Variants in SLC28A1 observed in about 807,000 individuals in gnomAD.
SLC28A1 encodes the protein solute carrier family 28 member 1.
In SLC28A1, 64 loss-of-function variants were observed where a neutral mutation model predicts 74.8. The ratio of observed to expected loss-of-function variants is 0.86; its 90% CI spans 0.70 to 1.05. SLC28A1 has a LOEUF of 1.05. Ranked by LOEUF, SLC28A1 falls within the 50% of genes least tolerant of loss-of-function variation. The pLI is 0.00. For synonymous variants in SLC28A1, 359 were observed against 335.0 expected (o/e 1.07, Z -0.78); for missense variants, 828 against 822.8 (o/e 1.01, Z -0.08).
In SLC28A1 at chr15:84,935,187, G is replaced by C; in HGVS notation, c.1376G>C (p.Ser459Thr). 6.2e-7 allele frequency: 1 copy of C among 1,613,962 alleles called. No individual in the cohort carries two copies. The highest frequency in any genetic ancestry group is 8.5e-7 in the Non-Finnish European group (1 of 1,179,866). ...LGDMVDIQGL[S>T]FQLICSYILR... ...GACATGGTGGACATCCAAGGGCTCA[G>C]CTTCCAGGTGCGTTTCTGGCCACCA... The change falls in exon 14 of 19, where the codon AGC becomes ACC. Residue 459 changes from serine (S) to threonine (T), a missense_variant. By Grantham distance (58) the Ser-to-Thr change is moderately conservative. Transcript: ENST00000394573.
At chr15:84,967,037 T>C in the SLC28A1 span, among the ~76,000 whole-genome samples, 1 of 152,182 alleles carries the variant, frequency 6.6e-6, no homozygotes, top group African/African-American at 2.4e-5. Context: ...TGCCTCAGCC[T>C]CCTGAGTAGC....
chr15:84,949,057 C>A (rs4247411), downstream of SLC28A1, among the ~76,000 whole-genome samples: 1 of 151,962 alleles, frequency 6.6e-6, no homozygotes, highest in African/African-American at 2.4e-5. Context: ...ATGGTTTAAT[C>A]CCTTTTCCAC....
chr15:84,908,919 G>C, intron 9 of SLC28A1, 124 bp downstream of exon 9: 1 of 783,926 alleles, frequency 1.3e-6, no homozygotes, highest in Non-Finnish European at 2.2e-6. Context: ...AGAGGTCGCC[G>C]TACTGGGAAG....
intron 15 of SLC28A1, among the ~76,000 whole-genome samples, chr15:84,935,894 G>C (rs997717917): frequency 2.6e-5 from 4 of 151,602 alleles, no homozygotes; most frequent in Non-Finnish European, 4.4e-5. Flanking sequence ...TGAGCTGGGA[G>C]AGTGAGATAA....
intron 12 of SLC28A1, 150 bp from the exon 13 acceptor site, chr15:84,932,995 T>C: frequency 3.1e-6 from 2 of 652,998 alleles, no homozygotes. Context: ...TAAAAGGTAT[T>C]ATTATTATTA....
At chr15:84,957,285 G>C in the SLC28A1 span, among the ~76,000 whole-genome samples, 5,347 of 151,984 alleles carry the variant, frequency 0.035, 276 homozygotes, top group African/African-American at 0.11. Flanking sequence ...TTTGTTTTTT[G>C]AGACAGAGTC....
chr15:84,934,157 G>A (rs1294950560), intron 13 of SLC28A1, among the ~76,000 whole-genome samples: 1 of 152,194 alleles, frequency 6.6e-6, no homozygotes, highest in Non-Finnish European at 1.5e-5. Context: ...AGTTTCCGAA[G>A]GACAAACATT....
chr15:84,919,637 C>G (rs1306211994), intron 10 of SLC28A1, among the ~76,000 whole-genome samples: 1 of 152,130 alleles, frequency 6.6e-6, no homozygotes, highest in Non-Finnish European at 1.5e-5. Flanking sequence ...CAGGGCCAAA[C>G]TTATCCTTTT....
At chr15:84,903,124 T>A (rs1433823643) in intron 6 of SLC28A1, among the ~76,000 whole-genome samples, 2 of 152,240 alleles carry the variant, frequency 1.3e-5, no homozygotes, top group African/African-American at 4.8e-5. Flanking sequence ...ATTGTGCATG[T>A]TGAACTGGAA....
intron 13 of SLC28A1, among the ~76,000 whole-genome samples, chr15:84,933,509 A>T (rs987093745): frequency 5.9e-5 from 9 of 152,164 alleles, no homozygotes; most frequent in Admixed American, 5.9e-4. Context: ...TCTTACAGTT[A>T]TGGAGGCTGA....
rs1206034521 is a variant in SLC28A1 at position 84,906,524 on chromosome 15, G to GTTTC, written c.717+875_717+876insCTTT. Among the ~76,000 whole-genome samples, 187 of 58,790 alleles carry GTTTC rather than the reference G, an allele frequency of 3.2e-3. 1 individual carries two copies. The highest frequency in any genetic ancestry group is 0.028 in the Middle Eastern group (3 of 106). The allele number at this position is 58,790 out of a possible 152,430, so 38.6% of individuals were successfully genotyped here. On this transcript the variant is annotated intron_variant, in intron 8 of 18. Coordinates refer to ENST00000394573, the MANE Select transcript of SLC28A1 (RefSeq NM_004213.5). Reference sequence around the variant, plus strand: ...GGTTTGTTTGTTTGTTTGTTTGTTTGTTTGTTTCTTTCTTTCTTTCTTTCT... The same window carrying GTTTC: ...GGTTTGTTTGTTTGTTTGTTTGTTTGTTTCTTTGTTTCTTTCTTTCTTTCTTTCT...
At chr15:84,963,366 G>A in the SLC28A1 span, among the ~76,000 whole-genome samples, 1 of 152,128 alleles carries the variant, frequency 6.6e-6, no homozygotes, top group Non-Finnish European at 1.5e-5. Flanking sequence ...TCCCTGGACA[G>A]GGAGCTTCCA....
At chr15:84,968,379 G>T in the SLC28A1 span, among the ~76,000 whole-genome samples, 7 of 152,170 alleles carry the variant, frequency 4.6e-5, no homozygotes, top group African/African-American at 1.4e-4. Flanking sequence ...GACTGGGGCT[G>T]GAAGATCTAC....
chr15:84,932,655 C>G (rs961963987), intron 12 of SLC28A1, among the ~76,000 whole-genome samples: 1 of 152,180 alleles, frequency 6.6e-6, no homozygotes, highest in African/African-American at 2.4e-5. Context: ...TGGTTTAGCT[C>G]TTAAATCCAT....
At chr15:84,892,497 C>T (rs1322848951) in intron 5 of SLC28A1, among the ~76,000 whole-genome samples, 1 of 152,182 alleles carries the variant, frequency 6.6e-6, no homozygotes, top group Non-Finnish European at 1.5e-5. Context: ...TGAATTCTCT[C>T]CAGTAGAGAA....
intron 1 of SLC28A1, among the ~76,000 whole-genome samples, chr15:84,885,347 G>C (rs544413533): frequency 1.1e-4 from 17 of 151,776 alleles, no homozygotes; most frequent in African/African-American, 4.1e-4. Flanking sequence ...GCGGAACTCT[G>C]CTAGAAAAAT....
chr15:84,904,402 A>G (rs1368944026), intron 7 of SLC28A1, among the ~76,000 whole-genome samples, 164 bp downstream of exon 7: 1 of 152,124 alleles, frequency 6.6e-6, no homozygotes, highest in Non-Finnish European at 1.5e-5. Context: ...CTTCCTGTGA[A>G]GAAGAAGTCT....
chr15:84,900,871 C>CAAGGAAGGAAGGAAGGAAGGAAGGAAGG (rs60285824), intron 6 of SLC28A1, among the ~76,000 whole-genome samples: 35 of 146,470 alleles, frequency 2.4e-4, no homozygotes, highest in African/African-American at 7.0e-4. Flanking sequence ...GGGTGAAAGG[C>CAAGGAAGGAAGGAAGGAAGGAAGGAAGG]AAGGAAGGAA....
At chr15:84,909,552 G>A (rs867984207) in intron 9 of SLC28A1, among the ~76,000 whole-genome samples, 3 of 152,216 alleles carry the variant, frequency 2.0e-5, no homozygotes, top group Admixed American at 6.5e-5. Context: ...ACTGTTCTGG[G>A]TGGAGCTGTG....
Sources: allele counts gnomAD v4.1 joint callset (sites outside exome capture counted in the v4.1 genomes callset), GRCh38; gene constraint gnomAD v4.1.1; transcripts MANE v1.5; gene names NCBI Gene and HGNC (gene_info 2026-07-23, HGNC 2026-07-21).